The following ABI3 variants were observed in gnomAD, a reference collection of about 807,000 sequenced individuals.
The protein encoded by ABI3 is ABI family member 3.
Under a neutral mutation model 37.0 loss-of-function variants are expected in ABI3, and 24 were observed. That is an observed-to-expected ratio of 0.65 (90% CI 0.47 to 0.91). The LOEUF (loss-of-function observed/expected upper bound fraction) is 0.91. Ranked by LOEUF, ABI3 falls within the 40% of genes least tolerant of loss-of-function variation. The pLI is 0.00. For missense variants in ABI3, 481 were observed against 485.1 expected (o/e 0.99, Z 0.08); for synonymous variants, 220 against 211.8 (o/e 1.04, Z -0.34).
At chr17:49,214,571 G>A (rs1422904408) in intron 1 of ABI3, among the ~76,000 whole-genome samples, 1 of 152,184 alleles carries the variant, frequency 6.6e-6, no homozygotes, top group Non-Finnish European at 1.5e-5. Context: ...TTAGCTGGGC[G>A]TGGCGGTGCA....
At chr17:49,214,128 A>C (rs1427604168) in intron 1 of ABI3, among the ~76,000 whole-genome samples, 1 of 152,228 alleles carries the variant, frequency 6.6e-6, no homozygotes, top group African/African-American at 2.4e-5. Context: ...AGAGGCTCCC[A>C]GGTGTCTCAG....
rs1046275945 is a variant in ABI3, at chr17:49,220,270, C to T, written c.746C>T (p.Ala249Val). ...TTGGACCCACCTCCTCCACCAGCAG[C>T]CGTCGAGGTGTTCCAGCGGCCTCCC... Reference protein sequence around the residue: ...SSLDPPPPPAAVEVFQRPPTL... With the variant: ...SSLDPPPPPAVVEVFQRPPTL... Residue 249 changes from alanine (A) to valine (V), a missense_variant, in exon 6 of 8, where the codon GCC (alanine) becomes GTC (valine). Ala to Val is a moderately conservative substitution (Grantham distance 64). Transcript: ENST00000225941. 6.2e-7 allele frequency: 1 copy of T among 1,607,316 alleles called. No homozygotes were observed.
chr17:49,218,020 C>T, intron 3 of ABI3, 105 bp downstream of exon 3: 1 of 1,188,780 alleles, frequency 8.4e-7, no homozygotes, highest in Non-Finnish European at 1.2e-6. Context: ...CCACTTGCCA[C>T]TCCTTTCTTT....
In ABI3 at chr17:49,222,135, CT is replaced by C. The variant is rs1210050215; in HGVS notation, c.848del (p.Leu283ArgfsTer32). On this transcript the variant is annotated frameshift_variant, in exon 7 of 8. Transcript: ENST00000225941. LOFTEE classifies it high-confidence loss of function. ...LPLDLPPPPP[L>X]DGDELGLPPP... Reference sequence around the variant, plus strand: ...ACTGGACCTGCCTCCTCCTCCACCCCTGGATGGAGATGAATTGGGGCTGCCT... The same window carrying C: ...ACTGGACCTGCCTCCTCCTCCACCCCGGATGGAGATGAATTGGGGCTGCCT... The C allele has an allele frequency of 2.5e-6, 4 of 1,613,614 alleles. No homozygotes were observed. The highest frequency in any genetic ancestry group is 1.1e-5 in the South Asian group (1 of 91,004).
intron 2 of ABI3, 73 bp from the exon 3 acceptor site, chr17:49,217,666 C>T: frequency 7.0e-7 from 1 of 1,431,490 alleles, no homozygotes; most frequent in Non-Finnish European, 9.4e-7. Context: ...CAGTCTTTAT[C>T]TTCTTCCTCC....
intron 6 of ABI3, 38 bp downstream of exon 6, chr17:49,220,364 C>G (rs1250107614): frequency 6.5e-7 from 1 of 1,530,864 alleles, no homozygotes; most frequent in South Asian, 1.2e-5. Context: ...ACCGTGGGGT[C>G]GCTTTTCTGC....
At position 49,210,911 on chromosome 17, in the gene ABI3, G is replaced by C; in HGVS notation, c.117+70G>C. ...GGGACCCTGAGCCCTGCCCCAAGTG[G>C]GGCCCTGGGACCCATCCTGACAGTG... On this transcript the variant is annotated intron_variant, in intron 1 of 7. Coordinates refer to ENST00000225941, the MANE Select transcript of ABI3 (RefSeq NM_016428.3). This position sits in a 1 kb window ranked among gnomAD's most constrained non-coding sequence, Gnocchi z 4.2. The C allele has an allele frequency of 7.5e-7, 1 of 1,326,968 alleles. No individual in the cohort carries two copies. 82.2% of individuals were successfully genotyped at this position (1,326,968 alleles called of 1,614,324 possible).
chr17:49,216,986 G>T (rs1450250320), intron 2 of ABI3, among the ~76,000 whole-genome samples: 2 of 152,120 alleles, frequency 1.3e-5, no homozygotes, highest in African/African-American at 4.8e-5. Context: ...AGAAGCAAAT[G>T]AACCCTGTTT....
chr17:49,221,100 G>A (rs2043281585), intron 6 of ABI3, among the ~76,000 whole-genome samples: 1 of 150,394 alleles, frequency 6.6e-6, no homozygotes, highest in African/African-American at 2.5e-5. Flanking sequence ...TTGAACCCAG[G>A]AGGCAGAGGC....
At chr17:49,216,146 C>G (rs950616511) in intron 1 of ABI3, among the ~76,000 whole-genome samples, 1 of 151,492 alleles carries the variant, frequency 6.6e-6, no homozygotes, top group Non-Finnish European at 1.5e-5. Context: ...TCTGCTCTAG[C>G]CAGTGTTGCC....
At position 49,219,906 on chromosome 17, in the gene ABI3, C is replaced by T. The variant is rs781461563; in HGVS notation, c.597C>T (p.Asp199=). 10 of 1,556,478 alleles carry T rather than the reference C, an allele frequency of 6.4e-6. No homozygotes were observed. Among genetic ancestry groups the T allele is most frequent in the Non-Finnish European group, 7.8e-6 (9 of 1,156,586 alleles). The stretch of plus-strand genomic sequence containing the variant: ...CAGTGCACCTGCCGGTGGTGCCCGA[C>T]GGCAGACTCTCCGCCGCCTCCTCTG... The part of the protein sequence containing the change: ...PEPVHLPVVP[D]GRLSAASSAF... Residue 199 remains aspartate, a synonymous_variant, in exon 5 of 8, where the codon GAC becomes GAT. Coordinates refer to ENST00000225941, the MANE Select transcript of ABI3 (RefSeq NM_016428.3). The surrounding 1 kb of genome is among the most constrained non-coding windows in gnomAD (Gnocchi z 4.3).
chr17:49,219,510 A>C lies in ABI3; in HGVS notation c.463-30A>C. Reference sequence around the variant, plus strand: ...GGTGGAGGGAGGCCCCTCACCCCAAATGTAAGCCCTACCTCCCGCTCCCTC... The same window carrying C: ...GGTGGAGGGAGGCCCCTCACCCCAACTGTAAGCCCTACCTCCCGCTCCCTC... On this transcript the variant is annotated intron_variant, in intron 3 of 7. Coordinates refer to ENST00000225941, the MANE Select transcript of ABI3 (RefSeq NM_016428.3). The surrounding 1 kb of genome is among the most constrained non-coding windows in gnomAD (Gnocchi z 4.3). 1 of 1,562,270 alleles carries C rather than the reference A, an allele frequency of 6.4e-7. No individual in the cohort carries two copies. Among genetic ancestry groups the C allele is most frequent in the Non-Finnish European group, 8.7e-7 (1 of 1,150,120 alleles).
intron 1 of ABI3, among the ~76,000 whole-genome samples, chr17:49,212,564 G>C (rs1360069079): frequency 6.6e-6 from 1 of 152,200 alleles, no homozygotes; most frequent in East Asian, 1.9e-4. Flanking sequence ...AAAATGCTCT[G>C]GACCCTTCTT....
chr17:49,211,603 C>T (rs569464920), intron 1 of ABI3, among the ~76,000 whole-genome samples: 1 of 152,276 alleles, frequency 6.6e-6, no homozygotes, highest in South Asian at 2.1e-4. Context: ...GAAACAGTAG[C>T]TCAGGGAGGT....
intron 2 of ABI3, 37 bp downstream of exon 2, chr17:49,216,735 A>G: frequency 7.0e-7 from 1 of 1,429,104 alleles, no homozygotes; most frequent in Non-Finnish European, 9.2e-7. Context: ...ATCTTGTGTC[A>G]GGCCTCAACT....
At chr17:49,218,045 A>C (rs1598242821) in intron 3 of ABI3, 130 bp downstream of exon 3, 1 of 932,810 alleles carries the variant, frequency 1.1e-6, no homozygotes. Flanking sequence ...GCTCCCTGAA[A>C]CCACCACTCT....
intron 1 of ABI3, among the ~76,000 whole-genome samples, chr17:49,213,481 C>T (rs1479489613): frequency 6.6e-6 from 1 of 152,158 alleles, no homozygotes; most frequent in Non-Finnish European, 1.5e-5. Context: ...CACCTGCAGC[C>T]CCTCTCTCCC....
chr17:49,217,994 T>TATC, intron 3 of ABI3, 79 bp downstream of exon 3: 1 of 1,395,934 alleles, frequency 7.2e-7, no homozygotes, highest in Non-Finnish European at 9.5e-7. Flanking sequence ...GAACCCCAGT[T>TATC]CTGCAAGTTT....
chr17:49,219,911 G>C lies in ABI3; in HGVS notation c.602G>C (p.Arg201Thr), dbSNP rs1048385507. 1.9e-6 allele frequency: 3 copies of C among 1,557,270 alleles called. No individual in the cohort carries two copies. Among genetic ancestry groups the C allele is most frequent in the African/African-American group, 2.7e-5 (2 of 73,836 alleles). ...CACCTGCCGGTGGTGCCCGACGGCA[G>C]ACTCTCCGCCGCCTCCTCTGCGTTT... ...PVHLPVVPDG[R>T]LSAASSAFSL... Residue 201 changes from arginine (R) to threonine (T), a missense_variant, in exon 5 of 8, where the codon AGA becomes ACA. Physicochemically the swap from Arg to Thr is moderately conservative, Grantham distance 71. Coordinates refer to ENST00000225941, the MANE Select transcript of ABI3 (RefSeq NM_016428.3). This position sits in a 1 kb window ranked among gnomAD's most constrained non-coding sequence, Gnocchi z 4.3.
Sources: allele counts gnomAD v4.1 joint callset (sites outside exome capture counted in the v4.1 genomes callset), GRCh38; gene constraint gnomAD v4.1.1; non-coding constraint Gnocchi (gnomAD v3.1); transcripts MANE v1.5; gene names NCBI Gene and HGNC (gene_info 2026-07-23, HGNC 2026-07-21).